Variants in CLOCK observed in about 807,000 individuals in gnomAD.
CLOCK encodes the protein circadian locomoter output cycles protein kaput.
A neutral mutation model predicts 118.4 loss-of-function variants in CLOCK; 43 were observed. The observed-to-expected ratio is 0.36, with a 90% CI of 0.28 to 0.47. The LOEUF (loss-of-function observed/expected upper bound fraction) is 0.47. Ranked by LOEUF, CLOCK falls within the 20% of genes least tolerant of loss-of-function variation. The pLI is 1.00. For synonymous variants in CLOCK, 326 were observed against 339.2 expected (o/e 0.96, Z 0.43); for missense variants, 846 against 999.9 (o/e 0.85, Z 2.08).
At position 55,443,772 on chromosome 4, in the gene CLOCK, T is replaced by C; in HGVS notation, c.1817A>G (p.Gln606Arg). 3.7e-6 allele frequency: 6 copies of C among 1,614,126 alleles called. No homozygotes were observed. The highest frequency in any genetic ancestry group is 5.1e-6 in the Non-Finnish European group (6 of 1,179,976). Residue 606 changes from glutamine (Q) to arginine (R), a missense_variant, in exon 20 of 23, where the codon CAG (glutamine) becomes CGG (arginine). By Grantham distance (43) the Gln-to-Arg change is conservative. Transcript: ENST00000513440. ...NMQGQVVPTNQIQSGMNTGHI... is the reference protein window; with the variant it reads ...NMQGQVVPTNRIQSGMNTGHI... ...TCCAGTATTCATTCCACTTTGAATCTGGTTAGTAGGAACAACTTGGCCTTG... is the reference window on the plus strand; with the variant it reads ...TCCAGTATTCATTCCACTTTGAATCCGGTTAGTAGGAACAACTTGGCCTTG...
rs1722342391 is a variant in CLOCK at position 55,428,788 on chromosome 4, T to C, written c.*6627A>G. 8.3e-6 allele frequency: 1 copy of C among 121,078 alleles called. No homozygotes were observed. Among genetic ancestry groups the C allele is most frequent in the Admixed American group, 7.9e-5 (1 of 12,638 alleles). 7.5% of individuals were successfully genotyped at this position (121,078 alleles called of 1,614,324 possible). ...AATGAAAAATTTACAAAGGTAAAAC[T>C]TTTTTTTTTTTTTTGCACTGACTGG... On this transcript the variant is annotated 3_prime_UTR_variant, in exon 23 of 23. Coordinates refer to ENST00000513440, the MANE Select transcript of CLOCK (RefSeq NM_004898.4).
intron 7 of CLOCK, among the ~76,000 whole-genome samples, chr4:55,473,580 TG>T (rs1296041273): frequency 6.6e-6 from 1 of 152,176 alleles, no homozygotes; most frequent in African/African-American, 2.4e-5. Context: ...ACTTGAGACG[TG>T]GCTATAATCT....
chr4:55,471,961 C>A (rs1174289832), intron 7 of CLOCK, among the ~76,000 whole-genome samples: 1 of 152,092 alleles, frequency 6.6e-6, no homozygotes. Context: ...ATGGTCCCAG[C>A]TGCTTGGGAG....
intron 17 of CLOCK, 149 bp from the exon 18 acceptor site, chr4:55,449,017 A>G: frequency 1.5e-6 from 1 of 672,582 alleles, no homozygotes; most frequent in Non-Finnish European, 2.6e-6. Flanking sequence ...CTTCTCATCT[A>G]TATTGGAAAG....
chr4:55,435,617 A>T, intron 22 of CLOCK, 23 bp from the exon 23 acceptor site: 1 of 1,612,756 alleles, frequency 6.2e-7, no homozygotes, highest in Middle Eastern at 1.7e-4. Flanking sequence ...TGGATTATGC[A>T]GCATTGCTTT....
intron 1 of CLOCK, among the ~76,000 whole-genome samples, chr4:55,512,052 A>AG (rs1479160106): frequency 6.6e-6 from 1 of 152,022 alleles, no homozygotes. Flanking sequence ...ATTATTGAAA[A>AG]GGATGCTATA....
In CLOCK at chr4:55,438,568, G is replaced by C. The variant is rs987533833; in HGVS notation, c.2106-31C>G. 6.2e-6 allele frequency: 10 copies of C among 1,612,088 alleles called. No homozygotes were observed. The Admixed American group carries it at 1.7e-4, about 27-fold the overall frequency. On this transcript the variant is annotated intron_variant, in intron 21 of 22. Coordinates refer to ENST00000513440, the MANE Select transcript of CLOCK (RefSeq NM_004898.4). The stretch of plus-strand genomic sequence containing the variant: ...AGAAGAAAGAAGGAAAAAAATTGGA[G>C]TCCAAAGTACAAGGTATACATCATA...
intron 1 of CLOCK, among the ~76,000 whole-genome samples, chr4:55,514,072 T>C (rs1729328809): frequency 6.6e-6 from 1 of 152,154 alleles, no homozygotes; most frequent in Non-Finnish European, 1.5e-5. Context: ...GTTTTATTTC[T>C]TCTTTCCCAA....
chr4:55,462,245 C>A (rs182160151), intron 9 of CLOCK, among the ~76,000 whole-genome samples: 1 of 152,278 alleles, frequency 6.6e-6, no homozygotes, highest in African/African-American at 2.4e-5. Flanking sequence ...AAAGCAAACG[C>A]CTTCTCCTTT....
chr4:55,449,399 A>G lies in CLOCK; in HGVS notation c.1446T>C (p.Ser482=). 6.2e-7 allele frequency: 1 copy of G among 1,612,656 alleles called. No individual in the cohort carries two copies. The highest frequency in any genetic ancestry group is 8.5e-7 in the Non-Finnish European group (1 of 1,178,714). The stretch of plus-strand genomic sequence containing the variant: ...GAATATCCACTAAAGAGCTTACCTG[A>G]CTACTAAATGATGACCTTCTTTGCA... ...KMVQRRSSFS[S]QSINSQSVGS... Residue 482 remains serine, a synonymous_variant, in exon 17 of 23, where the codon AGT becomes AGC. Transcript: ENST00000513440.
chr4:55,453,209 G>T, intron 14 of CLOCK, 80 bp from the exon 15 acceptor site: 1 of 1,131,616 alleles, frequency 8.8e-7, no homozygotes, highest in Non-Finnish European at 1.3e-6. Context: ...ATTCAGTGTT[G>T]TTACGTGTCT....
Position 55,470,844 on chromosome 4 carries a change from A to G in CLOCK, c.349-38T>C, listed in dbSNP as rs570894495. The G allele has an allele frequency of 7.7e-6, 11 of 1,434,588 alleles. No homozygotes were observed. In the East Asian group the frequency reaches 2.5e-4, roughly 33 times the overall value. The allele number at this position is 1,434,588 out of a possible 1,614,324, so 88.9% of individuals were successfully genotyped here. A position where few individuals can be genotyped will look rare whatever the true frequency, so the allele number is the denominator to read the frequency against. On this transcript the variant is annotated intron_variant, in intron 7 of 22. Transcript: ENST00000513440. ...ATAATGATATGTTAAATGAAAAGAAAAAAGTATTTTGCAGGACAGAAATAA... is the reference window on the plus strand; with the variant it reads ...ATAATGATATGTTAAATGAAAAGAAGAAAGTATTTTGCAGGACAGAAATAA...
intron 1 of CLOCK, among the ~76,000 whole-genome samples, chr4:55,531,533 C>T (rs762768461): frequency 1.3e-5 from 2 of 151,518 alleles, no homozygotes; most frequent in African/African-American, 2.4e-5. Context: ...GGTGAAACCC[C>T]GTCTCTACGA....
intron 1 of CLOCK, among the ~76,000 whole-genome samples, chr4:55,516,192 T>C (rs920303456): frequency 6.6e-6 from 1 of 152,222 alleles, no homozygotes; most frequent in Non-Finnish European, 1.5e-5. Flanking sequence ...GATGAAGTAG[T>C]CTATAGATGT....
intron 11 of CLOCK, among the ~76,000 whole-genome samples, chr4:55,458,289 T>C (rs1374849429): frequency 6.6e-6 from 1 of 152,144 alleles, no homozygotes; most frequent in Non-Finnish European, 1.5e-5. Context: ...CTCAAACTAC[T>C]GGGCTCAGGC....
intron 6 of CLOCK, 28 bp from the exon 7 acceptor site, chr4:55,476,082 A>T: frequency 6.8e-7 from 1 of 1,465,180 alleles, no homozygotes; most frequent in Non-Finnish European, 9.6e-7. Context: ...TATTAGTGGC[A>T]TACTCCAACC....
At chr4:55,534,822 T>A (rs1373219953) in intron 1 of CLOCK, among the ~76,000 whole-genome samples, 1 of 152,198 alleles carries the variant, frequency 6.6e-6, no homozygotes, top group South Asian at 2.1e-4. Context: ...TATACTGTGT[T>A]CAAGGATCAA....
rs56157186 is a variant in CLOCK, at chr4:55,445,582, C to CTTTTTTTTTTTTTTTTTTTTTTTTT, written c.1540-822_1540-798dup. Among the ~76,000 whole-genome samples the CTTTTTTTTTTTTTTTTTTTTTTTTT allele has an allele frequency of 9.8e-4, 67 of 68,590 alleles. 13 individuals carry two copies. The highest frequency in any genetic ancestry group is 1.4e-3 in the Non-Finnish European group (53 of 36,616). 45.0% of individuals were successfully genotyped at this position (68,590 alleles called of 152,430 possible). ...TCTCTGCATCTGCTATTTCTATATT[C>CTTTTTTTTTTTTTTTTTTTTTTTTT]TTTTTTTTTTTTTTTTTTTTTTTTT... On this transcript the variant is annotated intron_variant, in intron 18 of 22. Coordinates refer to ENST00000513440, the MANE Select transcript of CLOCK (RefSeq NM_004898.4).
intron 17 of CLOCK, 44 bp downstream of exon 17, chr4:55,449,352 C>T: frequency 1.3e-6 from 2 of 1,512,770 alleles, no homozygotes; most frequent in Non-Finnish European, 1.8e-6. Flanking sequence ...TTTTTCCCCT[C>T]TTAATAAATC....
Sources: allele counts gnomAD v4.1 joint callset (sites outside exome capture counted in the v4.1 genomes callset), GRCh38; gene constraint gnomAD v4.1.1; transcripts MANE v1.5; gene names NCBI Gene and HGNC (gene_info 2026-07-23, HGNC 2026-07-21).